The following CBFA2T3 variants were observed in gnomAD, a reference collection of about 807,000 sequenced individuals.
CBFA2T3 encodes the protein transcriptional corepressor CBFA2T3.
CBFA2T3 carries 31 observed loss-of-function variants against 58.6 expected under a neutral mutation model. The observed-to-expected ratio is 0.53, with a 90% CI of 0.40 to 0.71. The LOEUF (loss-of-function observed/expected upper bound fraction) is 0.71, where lower values mean the gene tolerates loss of function less well. Among genes scored for constraint, CBFA2T3 ranks in the 30% least tolerant of loss-of-function variants. The pLI is 0.00. For missense variants in CBFA2T3, 1,076 were observed against 963.1 expected (o/e 1.12, Z -1.55); for synonymous variants, 531 against 421.9 (o/e 1.26, Z -3.17).
At chr16:88,900,717 G>A (rs1394844218) in intron 2 of CBFA2T3, among the ~76,000 whole-genome samples, 1 of 152,198 alleles carries the variant, frequency 6.6e-6, no homozygotes, top group Non-Finnish European at 1.5e-5. Context: ...CAGCCTTGAG[G>A]GACAGGGACG....
At chr16:88,923,638 C>T (rs1031110326) in intron 1 of CBFA2T3, among the ~76,000 whole-genome samples, 1 of 152,226 alleles carries the variant, frequency 6.6e-6, no homozygotes, top group Non-Finnish European at 1.5e-5. Context: ...AGTCCTGGCG[C>T]GCAGCACAGC....
chr16:88,881,498 G>C lies in CBFA2T3; in HGVS notation c.1204-9C>G, dbSNP rs199758456. The C allele has an allele frequency of 7.0e-5, 112 of 1,596,754 alleles. No individual in the cohort carries two copies. Among genetic ancestry groups the C allele is most frequent in the Non-Finnish European group, 8.5e-5 (99 of 1,169,292 alleles). On this transcript the variant is annotated splice_polypyrimidine_tract_variant and intron_variant, in intron 8 of 11. Transcript: ENST00000268679. Reference sequence around the variant, plus strand: ...ATGATGCAGTTCAGGAGCTGGGGGCGGGCGGCGCAGCCTTCAGCACCTCAG... The same window carrying C: ...ATGATGCAGTTCAGGAGCTGGGGGCCGGCGGCGCAGCCTTCAGCACCTCAG...
intron 1 of CBFA2T3, among the ~76,000 whole-genome samples, chr16:88,961,840 G>A (rs1227084544): frequency 6.3e-5 from 8 of 127,396 alleles, no homozygotes; most frequent in Non-Finnish European, 8.3e-5. Flanking sequence ...GACACTCAGC[G>A]CTGGACATTC....
chr16:88,944,009 G>A (rs1432014206), intron 1 of CBFA2T3, among the ~76,000 whole-genome samples: 1 of 152,090 alleles, frequency 6.6e-6, no homozygotes, highest in Non-Finnish European at 1.5e-5. Context: ...CCAGTGTGTC[G>A]CTGTCTGTAG....
chr16:88,883,290 C>T (rs142060254), intron 7 of CBFA2T3: 107 of 159,254 alleles, frequency 6.7e-4, no homozygotes, highest in African/African-American at 2.4e-3. Context: ...CAGCCCTCTG[C>T]GGTCACCCGC....
Position 88,885,198 on chromosome 16 carries a change from T to C in CBFA2T3, c.965A>G (p.Asn322Ser), listed in dbSNP as rs775361242. 1 of 1,602,362 alleles carries C rather than the reference T, an allele frequency of 6.2e-7. No individual in the cohort carries two copies. The highest frequency in any genetic ancestry group is 2.2e-5 in the East Asian group (1 of 44,492). The change falls in exon 7 of 12, where the codon AAC becomes AGC. Residue 322 changes from asparagine (N) to serine (S), a missense_variant. Coordinates refer to ENST00000268679, the MANE Select transcript of CBFA2T3 (RefSeq NM_005187.6). This position sits in a 1 kb window ranked among gnomAD's most constrained non-coding sequence, Gnocchi z 5.3. The part of the protein sequence containing the change: ...EHLSKRPCTL[N>S]PAQRYSPSNG... ...GCTGGGGCTGTAGCGCTGGGCAGGG[T>C]TCAGGGTGCATGGCCGTTTGCTGAG...
At chr16:88,902,055 A>G (rs1276619928) in intron 1 of CBFA2T3, among the ~76,000 whole-genome samples, 4 of 152,176 alleles carry the variant, frequency 2.6e-5, no homozygotes, top group East Asian at 3.9e-4. Context: ...CTCTTCCCCC[A>G]GTCCTGATTC....
chr16:88,915,731 AAGGGGGAGCGTGG>A (rs1318511975), intron 1 of CBFA2T3, among the ~76,000 whole-genome samples: 4 of 26,050 alleles, frequency 1.5e-4, no homozygotes, highest in African/African-American at 6.9e-4. Context: ...GGGAGCGTGG[AAGGGGGAGCGTGG>A]GGGGGGAGTG....
intron 1 of CBFA2T3, among the ~76,000 whole-genome samples, chr16:88,965,654 C>T (rs1972483446): frequency 6.6e-6 from 1 of 152,188 alleles, no homozygotes; most frequent in Admixed American, 6.5e-5. Context: ...GTGCAGCTGT[C>T]ACCTTATTTA....
intron 1 of CBFA2T3, among the ~76,000 whole-genome samples, chr16:88,934,172 C>T (rs961635235): frequency 2.2e-5 from 3 of 134,744 alleles, no homozygotes; most frequent in South Asian, 2.1e-4. Context: ...GAGGCACCGG[C>T]GAGAAGGGCT....
intron 1 of CBFA2T3, chr16:88,951,567 T>C: frequency 2.7e-6 from 1 of 365,746 alleles, no homozygotes; most frequent in Non-Finnish European, 5.3e-6. Context: ...GTTGCTGCCA[T>C]TCCCTCCCCT....
intron 1 of CBFA2T3, among the ~76,000 whole-genome samples, chr16:88,956,190 A>C (rs1371886365): frequency 6.6e-6 from 1 of 152,272 alleles, no homozygotes; most frequent in African/African-American, 2.4e-5. Context: ...CCCCAGCCCG[A>C]GGCCATGTAG....
intron 1 of CBFA2T3, among the ~76,000 whole-genome samples, chr16:88,923,172 G>A (rs1429643525): frequency 1.6e-4 from 25 of 152,242 alleles, no homozygotes; most frequent in Non-Finnish European, 1.5e-5. Flanking sequence ...TTGGCGAGCT[G>A]GGAGCACAGC....
intron 1 of CBFA2T3, among the ~76,000 whole-genome samples, chr16:88,925,303 C>T (rs76780781): frequency 0.022 from 3,300 of 152,272 alleles, 63 homozygotes; most frequent in African/African-American, 0.048. Flanking sequence ...GGGAGACCCA[C>T]AAGGGGCCTG....
rs1972880436 is a variant in CBFA2T3 at position 88,977,011 on chromosome 16, C to A, written c.-204G>T. Reference sequence around the variant, plus strand: ...TCTGCCCTGGGGAGGGGGTGGGAGCCCTGGGGCTCATGTGACGCGGGGCGG... The same window carrying A: ...TCTGCCCTGGGGAGGGGGTGGGAGCACTGGGGCTCATGTGACGCGGGGCGG... On this transcript the variant is annotated 5_prime_UTR_variant, in exon 1 of 12. Coordinates refer to ENST00000268679, the MANE Select transcript of CBFA2T3 (RefSeq NM_005187.6). 2 of 525,934 alleles carry A rather than the reference C, an allele frequency of 3.8e-6. No individual in the cohort carries two copies. Among genetic ancestry groups the A allele is most frequent in the African/African-American group, 1.9e-5 (1 of 52,928 alleles). 32.6% of individuals were successfully genotyped at this position (525,934 alleles called of 1,614,324 possible).
chr16:88,933,934 C>A (rs890580937), intron 1 of CBFA2T3, among the ~76,000 whole-genome samples: 1 of 142,976 alleles, frequency 7.0e-6, no homozygotes, highest in African/African-American at 2.5e-5. Flanking sequence ...TGCACGCTGC[C>A]CCCGGGAGAG....
At chr16:88,936,713 C>T (rs1971513727) in intron 1 of CBFA2T3, 1 of 152,324 alleles carries the variant, frequency 6.6e-6, no homozygotes, top group South Asian at 2.1e-4. Context: ...CCAAATTCAT[C>T]TTTGTTTTCC....
intron 11 of CBFA2T3, among the ~76,000 whole-genome samples, 151 bp downstream of exon 11, chr16:88,879,117 GCA>G (rs946199971): frequency 2.0e-4 from 30 of 152,362 alleles, no homozygotes; most frequent in African/African-American, 7.2e-4. Context: ...TGCTGATAAA[GCA>G]CAGTGTGGGC....
At position 88,875,414 on chromosome 16, in the gene CBFA2T3, G is replaced by A. The variant is rs145772551; in HGVS notation, c.*1562C>T. ...CGAGACACACCCCAGGGCCAGAGGCGAACGCATCTGAGGGGTGGCTGGGCA... is the reference window on the plus strand; with the variant it reads ...CGAGACACACCCCAGGGCCAGAGGCAAACGCATCTGAGGGGTGGCTGGGCA... On this transcript the variant is annotated 3_prime_UTR_variant, in exon 12 of 12. Coordinates refer to ENST00000268679, the MANE Select transcript of CBFA2T3 (RefSeq NM_005187.6). The A allele has an allele frequency of 5.1e-3, 1,181 of 233,542 alleles. 19 individuals are homozygous for A. The highest frequency in any genetic ancestry group is 0.024 in the African/African-American group (1,108 of 45,402). 14.5% of individuals were successfully genotyped at this position (233,542 alleles called of 1,614,324 possible).
Sources: gnomAD v4.1 joint callset for allele counts (sites outside exome capture counted in the v4.1 genomes callset) on GRCh38, gnomAD v4.1.1 for gene constraint, Gnocchi (gnomAD v3.1) non-coding constraint, MANE v1.5 for transcripts, NCBI Gene and HGNC (gene_info 2026-07-23, HGNC 2026-07-21) for gene names.